Variants in MAGI1 observed in about 807,000 individuals in gnomAD.
MAGI1 encodes the protein membrane-associated guanylate kinase, WW and PDZ domain-containing protein 1.
Under a neutral mutation model 139.9 loss-of-function variants are expected in MAGI1, and 58 were observed. The observed-to-expected ratio is 0.41, with a 90% CI of 0.34 to 0.52. MAGI1 has a LOEUF of 0.52. Ranked by LOEUF, MAGI1 falls within the 20% of genes least tolerant of loss-of-function variation. The probability of loss-of-function intolerance (pLI) is 0.12; values close to 1 mark genes in which losing one functional copy is unlikely to be tolerated. For missense variants in MAGI1, 1,874 were observed against 1,901.6 expected, an observed-to-expected ratio of 0.99 and a Z score of 0.27; for synonymous variants, 812 against 737.9, an observed-to-expected ratio of 1.10 and a Z score of -1.63.
At chr3:65,423,410 T>G (rs1946781372) in intron 12 of MAGI1, among the ~76,000 whole-genome samples, 1 of 149,210 alleles carries the variant, frequency 6.7e-6, no homozygotes, top group African/African-American at 2.4e-5. Context: ...AGAGAAGAGC[T>G]AATGCTAATG....
At position 65,502,925 on chromosome 3, in the gene MAGI1, GA is replaced by G. The variant is rs1418862928; in HGVS notation, c.431-9295del. 5.1e-3 allele frequency among the ~76,000 whole-genome samples: 775 copies of G among 152,278 alleles called. 6 individuals are homozygous for G. Among genetic ancestry groups the G allele is most frequent in the African/African-American group, 0.017 (717 of 41,570 alleles). ...CTACTTTGGAGGGTGGGAGTGGTTA[GA>G]AAACGAACAGTGGAGAGAGGGGGTA... On this transcript the variant is annotated intron_variant, in intron 2 of 22. Transcript: ENST00000402939.
At chr3:65,493,837 G>C (rs1214392682) in intron 2 of MAGI1, among the ~76,000 whole-genome samples, 3 of 152,126 alleles carry the variant, frequency 2.0e-5, no homozygotes, top group Non-Finnish European at 4.4e-5. Flanking sequence ...TAGTGCCTGG[G>C]ACCCCAAATG....
chr3:65,894,234 T>A (rs1489148497), intron 1 of MAGI1, among the ~76,000 whole-genome samples: 1 of 152,150 alleles, frequency 6.6e-6, no homozygotes, highest in Non-Finnish European at 1.5e-5. Flanking sequence ...CCCTACCTAC[T>A]AGTGAGAAAA....
intron 18 of MAGI1, chr3:65,371,953 C>T (rs1446679192): frequency 6.9e-6 from 3 of 434,904 alleles, no homozygotes; most frequent in South Asian, 3.3e-5. Context: ...ACTGAAGTCT[C>T]GAAACCCCTC....
rs1280089393 is a variant in MAGI1 at position 65,802,845 on chromosome 3, CATCTGTGTGTGTGT to C, written c.314-180771_314-180758del. 1.3e-4 allele frequency among the ~76,000 whole-genome samples: 12 copies of C among 94,516 alleles called. No individual in the cohort carries two copies. The East Asian group carries it at 6.8e-3, about 54-fold the overall frequency. 62.0% of individuals were successfully genotyped at this position (94,516 alleles called of 152,430 possible). On this transcript the variant is annotated intron_variant, in intron 1 of 22. Transcript: ENST00000402939. ...CAAAACTCCACTCAAAAGATCATCT[CATCTGTGTGTGTGT>C]GTGTGTGTGTGTGTGTGTGTGTGTG...
rs568345026 is a variant in MAGI1 at position 65,515,824 on chromosome 3, T to A, written c.431-22193A>T. On this transcript the variant is annotated intron_variant, in intron 2 of 22. Coordinates refer to ENST00000402939, the MANE Select transcript of MAGI1 (RefSeq NM_001033057.2). ...TCCAATACTTTACAGAGAAAAGGTA[T>A]TGCTATTTTTTACAACCACAACAGC... is the stretch of plus-strand genomic sequence containing the variant. 2.0e-5 allele frequency among the ~76,000 whole-genome samples: 3 copies of A among 152,280 alleles called. No individual in the cohort carries two copies. In the East Asian group the frequency reaches 5.8e-4, roughly 29 times the overall value.
chr3:65,950,072 A>AC (rs1560045595), intron 1 of MAGI1, among the ~76,000 whole-genome samples: 8 of 93,694 alleles, frequency 8.5e-5, no homozygotes, highest in South Asian at 6.4e-4. Context: ...AAAAACAAAA[A>AC]AAAAACAAAA....
At chr3:65,788,651 C>G (rs1210809858) in intron 1 of MAGI1, among the ~76,000 whole-genome samples, 3 of 152,130 alleles carry the variant, frequency 2.0e-5, no homozygotes, top group Admixed American at 6.5e-5. Context: ...TAAATTACTT[C>G]CAGTTTGCAT....
intron 2 of MAGI1, among the ~76,000 whole-genome samples, chr3:65,503,971 C>T (rs2107712349): frequency 6.6e-6 from 1 of 152,016 alleles, no homozygotes; most frequent in South Asian, 2.1e-4. Flanking sequence ...CAAGGAGATC[C>T]ACATTATGTC....
chr3:65,658,351 T>G (rs1274632992), intron 1 of MAGI1, among the ~76,000 whole-genome samples: 1 of 152,180 alleles, frequency 6.6e-6, no homozygotes, highest in Non-Finnish European at 1.5e-5. Flanking sequence ...GCATTTGCTA[T>G]TCAGAGAAAA....
At chr3:65,988,826 T>C (rs2066016932) in intron 1 of MAGI1, among the ~76,000 whole-genome samples, 1 of 152,200 alleles carries the variant, frequency 6.6e-6, no homozygotes, top group Non-Finnish European at 1.5e-5. Context: ...CTATTCTATT[T>C]TTTATCACCA....
chr3:65,641,877 A>G (rs1352213231), intron 1 of MAGI1, among the ~76,000 whole-genome samples: 1 of 152,204 alleles, frequency 6.6e-6, no homozygotes, highest in African/African-American at 2.4e-5. Flanking sequence ...TTCCTGAGAA[A>G]AGTCATCAGT....
At chr3:65,992,115 G>A (rs1208060758) in intron 1 of MAGI1, among the ~76,000 whole-genome samples, 3 of 152,132 alleles carry the variant, frequency 2.0e-5, no homozygotes, top group Admixed American at 6.5e-5. Context: ...AGAGAAAGTC[G>A]GAGTTTGGTC....
intron 5 of MAGI1, among the ~76,000 whole-genome samples, chr3:65,464,658 C>T (rs1252036958): frequency 2.0e-5 from 3 of 152,104 alleles, no homozygotes; most frequent in Non-Finnish European, 4.4e-5. Context: ...TATATTGCTA[C>T]ATTTGAAATC....
chr3:65,440,025 G>C lies in MAGI1; in HGVS notation c.1137-13C>G. On this transcript the variant is annotated splice_polypyrimidine_tract_variant and intron_variant, in intron 8 of 22. Coordinates refer to ENST00000402939, the MANE Select transcript of MAGI1 (RefSeq NM_001033057.2). The stretch of plus-strand genomic sequence containing the variant: ...CCTGTTGATGTGGCTGGGGAAGATA[G>C]CAAATAGTATTCAGCTTGAAACAGT... The C allele has an allele frequency of 3.1e-6, 5 of 1,613,838 alleles. No individual in the cohort carries two copies. The highest frequency in any genetic ancestry group is 4.2e-6 in the Non-Finnish European group (5 of 1,179,926).
chr3:65,996,550 G>GC (rs1560094518), intron 1 of MAGI1, among the ~76,000 whole-genome samples: 1 of 151,616 alleles, frequency 6.6e-6, no homozygotes, highest in African/African-American at 2.4e-5. Flanking sequence ...AGGGGGGGGG[G>GC]GGGGAAGCGA....
At chr3:65,815,489 G>A (rs2041542055) in intron 1 of MAGI1, among the ~76,000 whole-genome samples, 1 of 151,982 alleles carries the variant, frequency 6.6e-6, no homozygotes, top group Non-Finnish European at 1.5e-5. Flanking sequence ...TGAAAGGAGT[G>A]CCTAAATTCC....
intron 2 of MAGI1, among the ~76,000 whole-genome samples, chr3:65,500,523 C>T (rs995931103): frequency 6.6e-6 from 1 of 152,220 alleles, no homozygotes; most frequent in African/African-American, 2.4e-5. Flanking sequence ...CTGAAATCCA[C>T]AAACCATGAC....
At chr3:65,757,950 G>C (rs958307386) in intron 1 of MAGI1, among the ~76,000 whole-genome samples, 3 of 152,160 alleles carry the variant, frequency 2.0e-5, no homozygotes, top group Admixed American at 2.0e-4. Flanking sequence ...AGATACTTTA[G>C]AGCATTTCTT....
Sources: allele counts gnomAD v4.1 joint callset (sites outside exome capture counted in the v4.1 genomes callset), GRCh38; gene constraint gnomAD v4.1.1; transcripts MANE v1.5; gene names NCBI Gene and HGNC (gene_info 2026-07-23, HGNC 2026-07-21).